Variants in ACBD6 observed in about 807,000 individuals in gnomAD.
The protein encoded by ACBD6 is acyl-CoA binding domain containing 6.
ACBD6 carries 28 observed loss-of-function variants against 37.2 expected under a neutral mutation model. That is an observed-to-expected ratio of 0.75 (90% CI 0.56 to 1.03). ACBD6 has a LOEUF of 1.03. Ranked by LOEUF, ACBD6 falls within the 50% of genes least tolerant of loss-of-function variation. ACBD6 has a pLI of 0.00. For synonymous variants in ACBD6, 113 were observed against 126.8 expected (o/e 0.89, Z 0.73); for missense variants, 340 against 337.4 (o/e 1.01, Z -0.06).
chr1:180,297,486 C>A (rs527413525), intron 7 of ACBD6, among the ~76,000 whole-genome samples: 1 of 152,236 alleles, frequency 6.6e-6, no homozygotes, highest in South Asian at 2.1e-4. Context: ...ATATTAATAT[C>A]TGATGAATGG....
intron 4 of ACBD6, among the ~76,000 whole-genome samples, chr1:180,414,843 A>C (rs1471753842): frequency 6.6e-6 from 1 of 152,196 alleles, no homozygotes; most frequent in Non-Finnish European, 1.5e-5. Flanking sequence ...TTTTTCGATC[A>C]CTTATTCTGT....
downstream of ACBD6, among the ~76,000 whole-genome samples, chr1:180,285,877 C>G (rs1649482506): frequency 6.6e-6 from 1 of 151,084 alleles, no homozygotes; most frequent in South Asian, 2.1e-4. Context: ...TTCTACCTGA[C>G]AAGCATAAGA....
At chr1:180,397,698 A>T in intron 5 of ACBD6, 93 bp from the exon 6 acceptor site, 1 of 1,067,900 alleles carries the variant, frequency 9.4e-7, no homozygotes, top group South Asian at 1.3e-5. Context: ...AATATAAAAA[A>T]TTATGGGTTA....
At chr1:180,387,986 T>A (rs1450855447) in intron 6 of ACBD6, among the ~76,000 whole-genome samples, 1 of 151,232 alleles carries the variant, frequency 6.6e-6, no homozygotes, top group African/African-American at 2.4e-5. Flanking sequence ...CCATCCTGGT[T>A]AACATGATGA....
At chr1:180,289,028 C>A (rs1413834678) in intron 7 of ACBD6, among the ~76,000 whole-genome samples, 1 of 110,764 alleles carries the variant, frequency 9.0e-6, no homozygotes. Flanking sequence ...GACCATTCTT[C>A]TACAGGAACT....
chr1:180,416,263 C>T (rs1044501422), intron 4 of ACBD6, among the ~76,000 whole-genome samples: 2 of 152,080 alleles, frequency 1.3e-5, no homozygotes, highest in African/African-American at 4.8e-5. Context: ...TTCTTGCCCC[C>T]TAAAATTATG....
chr1:180,394,784 A>G (rs1365451837), intron 6 of ACBD6, among the ~76,000 whole-genome samples: 2 of 152,226 alleles, frequency 1.3e-5, no homozygotes, highest in Non-Finnish European at 2.9e-5. Flanking sequence ...CCATCTGGAC[A>G]AAAGTAAAAT....
chr1:180,292,253 A>C (rs186646626), intron 7 of ACBD6, among the ~76,000 whole-genome samples: 14 of 152,316 alleles, frequency 9.2e-5, no homozygotes, highest in Non-Finnish European at 1.6e-4. Flanking sequence ...TCTATGAATC[A>C]ATTTGGAAAG....
chr1:180,293,600 C>A (rs1193806515), intron 7 of ACBD6, among the ~76,000 whole-genome samples: 3 of 152,116 alleles, frequency 2.0e-5, no homozygotes, highest in African/African-American at 7.2e-5. Flanking sequence ...AGCCACTGTG[C>A]CTGGCCAATT....
intron 11 of ACBD6, chr1:180,273,878 ATCC>A (rs1169583611): frequency 4.9e-6 from 2 of 411,770 alleles, no homozygotes; most frequent in Non-Finnish European, 9.0e-6. Context: ...TTAGGCATTC[ATCC>A]TCCTCAGTGT....
intron 6 of ACBD6, among the ~76,000 whole-genome samples, chr1:180,367,572 T>C (rs138491842): frequency 3.3e-5 from 5 of 152,210 alleles, no homozygotes; most frequent in African/African-American, 1.2e-4. Context: ...CCCCAGTGTC[T>C]ATTGTTCCCT....
At chr1:180,388,097 A>G (rs974591634) in intron 6 of ACBD6, among the ~76,000 whole-genome samples, 1 of 151,262 alleles carries the variant, frequency 6.6e-6, no homozygotes, top group Non-Finnish European at 1.5e-5. Context: ...AATGGCGTGA[A>G]CCCAGGAGGC....
chr1:180,391,462 CAAAT>C (rs2101942393), intron 6 of ACBD6, among the ~76,000 whole-genome samples: 1 of 152,102 alleles, frequency 6.6e-6, no homozygotes, highest in South Asian at 2.1e-4. Context: ...AATAAAGAGA[CAAAT>C]AACACAATTT....
At chr1:180,465,213 T>G (rs6670242) in intron 3 of ACBD6, among the ~76,000 whole-genome samples, 16,342 of 151,530 alleles carry the variant, frequency 0.11, 1,282 homozygotes, top group African/African-American at 0.21. Flanking sequence ...CACAGAAAAA[T>G]AAACTATCAA....
chr1:180,362,437 C>A (rs1283434615), intron 6 of ACBD6, among the ~76,000 whole-genome samples: 3 of 151,946 alleles, frequency 2.0e-5, no homozygotes, highest in Non-Finnish European at 4.4e-5. Context: ...GAAGGTGAAA[C>A]AGGATGGGAA....
At chr1:180,376,213 T>G (rs1462410777) in intron 6 of ACBD6, among the ~76,000 whole-genome samples, 2 of 152,190 alleles carry the variant, frequency 1.3e-5, no homozygotes, top group Non-Finnish European at 2.9e-5. Context: ...ACAGGCTCTC[T>G]TATGAACTGG....
At chr1:180,401,151 T>C (rs975981595) in intron 5 of ACBD6, among the ~76,000 whole-genome samples, 3 of 152,118 alleles carry the variant, frequency 2.0e-5, no homozygotes, top group African/African-American at 7.2e-5. Context: ...AAAGGAACCT[T>C]TGTTAGGCCA....
At chr1:180,419,558 C>T (rs184115685) in intron 4 of ACBD6, among the ~76,000 whole-genome samples, 11 of 152,256 alleles carry the variant, frequency 7.2e-5, no homozygotes, top group Admixed American at 2.0e-4. Context: ...GGGTGGGGGG[C>T]ACCGACCCCC....
intron 3 of ACBD6, among the ~76,000 whole-genome samples, chr1:180,457,022 A>G (rs1415062906): frequency 6.6e-6 from 1 of 152,220 alleles, no homozygotes; most frequent in Non-Finnish European, 1.5e-5. Flanking sequence ...GCAAACCTAG[A>G]AACCGTAGAA....
Sources: gnomAD v4.1 joint callset for allele counts (sites outside exome capture counted in the v4.1 genomes callset) on GRCh38, gnomAD v4.1.1 for gene constraint, MANE v1.5 for transcripts, NCBI Gene and HGNC (gene_info 2026-07-23, HGNC 2026-07-21) for gene names.